PPFIBP2: variants seen among roughly 807,000 people sequenced by gnomAD.
PPFIBP2 encodes liprin-beta-2.
In PPFIBP2, 118 loss-of-function variants were observed where a neutral mutation model predicts 118.3. That is an observed-to-expected ratio of 1.00 (90% CI 0.86 to 1.16). PPFIBP2 has a LOEUF of 1.16. Ranked by LOEUF, PPFIBP2 falls within the 50% of genes most tolerant of loss-of-function variation. The pLI is 0.00. For synonymous variants in PPFIBP2, 414 were observed against 397.4 expected, an observed-to-expected ratio of 1.04 and a Z score of -0.50; for missense variants, 1,195 against 1,073.1, an observed-to-expected ratio of 1.11 and a Z score of -1.59.
At chr11:7,605,680 G>C in intron 5 of PPFIBP2, 2 of 1,299,392 alleles carry the variant, frequency 1.5e-6, no homozygotes, top group South Asian at 2.3e-5. Flanking sequence ...GAACAATGTT[G>C]CTTCAAGGAA....
chr11:7,571,915 T>C (rs1855694219), intron 3 of PPFIBP2: 1 of 152,248 alleles, frequency 6.6e-6, no homozygotes, highest in African/African-American at 2.4e-5. Context: ...ATGGGCTTCA[T>C]ATGAGAAAAC....
At chr11:7,572,368 G>C (rs978183934) in intron 3 of PPFIBP2, among the ~76,000 whole-genome samples, 1 of 152,094 alleles carries the variant, frequency 6.6e-6, no homozygotes, top group Non-Finnish European at 1.5e-5. Context: ...AATTTTCCTG[G>C]ATCTTGATCC....
chr11:7,542,258 T>G (rs537540258), intron 1 of PPFIBP2, among the ~76,000 whole-genome samples: 11 of 152,240 alleles, frequency 7.2e-5, no homozygotes, highest in Non-Finnish European at 1.5e-4. Context: ...TTAAGTGAGA[T>G]AATGTTGGAT....
intron 1 of PPFIBP2, among the ~76,000 whole-genome samples, chr11:7,540,056 T>C (rs941796076): frequency 3.3e-5 from 5 of 152,190 alleles, no homozygotes; most frequent in African/African-American, 7.2e-5. Context: ...AACTTGGATC[T>C]ACATGCAGGT....
chr11:7,604,604 C>T (rs1032332653), intron 5 of PPFIBP2, among the ~76,000 whole-genome samples: 5 of 151,996 alleles, frequency 3.3e-5, no homozygotes, highest in African/African-American at 1.2e-4. Context: ...ACACACACCC[C>T]CACACCCATG....
At chr11:7,519,629 C>T (rs1350126061) in intron 1 of PPFIBP2, among the ~76,000 whole-genome samples, 2 of 151,958 alleles carry the variant, frequency 1.3e-5, no homozygotes, top group Admixed American at 6.6e-5. Context: ...AATGGAGGGC[C>T]GGGAGTTTCC....
chr11:7,664,700 G>A, the PPFIBP2 span, among the ~76,000 whole-genome samples: 3 of 152,114 alleles, frequency 2.0e-5, no homozygotes, highest in Non-Finnish European at 2.9e-5. Flanking sequence ...AGGCCCTGGA[G>A]TGTGTCCTGG....
chr11:7,660,838 G>C (rs575333068), downstream of PPFIBP2, among the ~76,000 whole-genome samples: 77 of 150,884 alleles, frequency 5.1e-4, no homozygotes, highest in East Asian at 1.9e-3. Context: ...TGTTATTGGT[G>C]CATTCAGAGA....
chr11:7,593,854 A>G (rs949285995), intron 4 of PPFIBP2, among the ~76,000 whole-genome samples: 1 of 152,242 alleles, frequency 6.6e-6, no homozygotes, highest in African/African-American at 2.4e-5. Context: ...TTCTCATAAG[A>G]AGGCTGTTGA....
Position 7,648,435 on chromosome 11 carries a change from A to T in PPFIBP2, c.1695A>T (p.Ala565=). 6.2e-7 allele frequency: 1 copy of T among 1,614,082 alleles called. No individual in the cohort carries two copies. The highest frequency in any genetic ancestry group is 8.5e-7 in the Non-Finnish European group (1 of 1,180,020). Residue 565 remains alanine (A), a synonymous_variant, in exon 18 of 24, where the codon GCA becomes GCT. Coordinates refer to ENST00000299492, the MANE Select transcript of PPFIBP2 (RefSeq NM_003621.5). ...FAQWSTERVC[A]WLEDFGLAQY... is the part of the protein sequence containing the mutation. ...AGTGGAGCACAGAGCGTGTGTGTGCATGGCTGGAGGACTTTGGCCTGGCTC... is the reference window on the plus strand; with the variant it reads ...AGTGGAGCACAGAGCGTGTGTGTGCTTGGCTGGAGGACTTTGGCCTGGCTC...
At chr11:7,562,977 A>G (rs924476191) in intron 2 of PPFIBP2, among the ~76,000 whole-genome samples, 2 of 116,408 alleles carry the variant, frequency 1.7e-5, no homozygotes, top group Admixed American at 1.8e-4. Flanking sequence ...ATATATATAT[A>G]CACGCACACA....
chr11:7,521,415 T>G (rs147997953), intron 1 of PPFIBP2, among the ~76,000 whole-genome samples: 206 of 152,310 alleles, frequency 1.4e-3, no homozygotes, highest in African/African-American at 4.9e-3. Context: ...TTCCCCAAAC[T>G]GAGAAGCTGA....
chr11:7,655,112 C>T (rs1854559450), downstream of PPFIBP2, among the ~76,000 whole-genome samples: 1 of 152,196 alleles, frequency 6.6e-6, no homozygotes, highest in African/African-American at 2.4e-5. Context: ...CTGGAAATAG[C>T]TGGAACATTG....
Position 7,593,242 on chromosome 11 carries a change from A to T in PPFIBP2, c.372+18A>T. On this transcript the variant is annotated intron_variant, in intron 4 of 23. Coordinates refer to ENST00000299492, the MANE Select transcript of PPFIBP2 (RefSeq NM_003621.5). ...TATTGCAGGTGGGTACTTTTTGGTG[A>T]GAATCGGCTTATCCTGTTACCTCCT... is the stretch of plus-strand genomic sequence containing the variant. 1.2e-6 allele frequency: 2 copies of T among 1,613,092 alleles called. No individual in the cohort carries two copies. The highest frequency in any genetic ancestry group is 1.7e-6 in the Non-Finnish European group (2 of 1,179,496).
At chr11:7,614,579 T>A (rs998173080) in intron 6 of PPFIBP2, among the ~76,000 whole-genome samples, 1 of 152,240 alleles carries the variant, frequency 6.6e-6, no homozygotes, top group African/African-American at 2.4e-5. Flanking sequence ...CTGTAGTGAA[T>A]AATCTTGTAT....
rs138147562 is a variant in PPFIBP2, at chr11:7,651,160, C to T, written c.2247+195C>T. 3.2e-3 allele frequency: 1,674 copies of T among 523,510 alleles called. 26 individuals are homozygous for T. The highest frequency in any genetic ancestry group is 0.029 in the African/African-American group (1,502 of 52,614). 32.4% of individuals were successfully genotyped at this position (523,510 alleles called of 1,614,324 possible). ...AATATACCTCATGGAAGCAAGATGCCTTCTGGCAGCACCTCCTTGGCATGA... is the reference window on the plus strand; with the variant it reads ...AATATACCTCATGGAAGCAAGATGCTTTCTGGCAGCACCTCCTTGGCATGA... On this transcript the variant is annotated intron_variant, in intron 22 of 23. Transcript: ENST00000299492.
intron 2 of PPFIBP2, among the ~76,000 whole-genome samples, chr11:7,558,630 C>T (rs1394043798): frequency 6.6e-6 from 1 of 151,934 alleles, no homozygotes; most frequent in Non-Finnish European, 1.5e-5. Flanking sequence ...GTGGCGCGTG[C>T]CTGTACTCCC....
intron 3 of PPFIBP2, among the ~76,000 whole-genome samples, chr11:7,573,191 C>G (rs1465168284): frequency 6.6e-6 from 1 of 152,108 alleles, no homozygotes; most frequent in Non-Finnish European, 1.5e-5. Flanking sequence ...AACAGCAGGC[C>G]CCATACCCAA....
chr11:7,641,570 G>A lies in PPFIBP2; in HGVS notation c.1467G>A (p.Leu489=). Residue 489 remains leucine (L), a synonymous_variant, in exon 16 of 24, where the codon CTG becomes CTA. Transcript: ENST00000299492. ...CTGAATCAGGTCCTCAGTCTCCTCTGACACCAGATGGTAAACGGAATCCCA... is the reference window on the plus strand; with the variant it reads ...CTGAATCAGGTCCTCAGTCTCCTCTAACACCAGATGGTAAACGGAATCCCA... ...SGTESGPQSP[L]TPDGKRNPKG... 1 of 1,614,034 alleles carries A rather than the reference G, an allele frequency of 6.2e-7. No individual in the cohort carries two copies. The highest frequency in any genetic ancestry group is 8.5e-7 in the Non-Finnish European group (1 of 1,179,872).
Sources: gnomAD v4.1 joint callset for allele counts (sites outside exome capture counted in the v4.1 genomes callset) on GRCh38, gnomAD v4.1.1 for gene constraint, MANE v1.5 for transcripts, NCBI Gene and HGNC (gene_info 2026-07-23, HGNC 2026-07-21) for gene names.